The following CNGB1 variants were observed in gnomAD, a reference collection of about 807,000 sequenced individuals.
CNGB1 encodes the protein cyclic nucleotide gated channel subunit beta 1, also known as cyclic nucleotide-gated channel beta-1.
In CNGB1, 126 loss-of-function variants were observed where a neutral mutation model predicts 151.7. The ratio of observed to expected loss-of-function variants is 0.83; its 90% CI spans 0.72 to 0.96. The LOEUF (loss-of-function observed/expected upper bound fraction) is 0.96. Among genes scored for constraint, CNGB1 ranks in the 40% least tolerant of loss-of-function variants. The pLI, the probability that CNGB1 is intolerant of heterozygous loss-of-function variation, is 0.00. For missense variants in CNGB1, 1,698 were observed against 1,627.0 expected (o/e 1.04, Z -0.75); for synonymous variants, 623 against 635.1 (o/e 0.98, Z 0.29).
At chr16:57,887,441 T>A (rs1055730169) in intron 32 of CNGB1, among the ~76,000 whole-genome samples, 4 of 152,196 alleles carry the variant, frequency 2.6e-5, no homozygotes, top group African/African-American at 9.6e-5. Context: ...CCAATGACAG[T>A]GAGTCCTGGA....
At chr16:57,940,466 A>G (rs527502606) in intron 14 of CNGB1, 145 bp from the exon 15 acceptor site, 18 of 715,884 alleles carry the variant, frequency 2.5e-5, no homozygotes, top group South Asian at 2.5e-4. Context: ...AGGAGCCTCC[A>G]GGGCAGTGTC....
intron 17 of CNGB1, among the ~76,000 whole-genome samples, chr16:57,925,282 C>A (rs1381798280): frequency 6.6e-6 from 1 of 152,128 alleles, no homozygotes; most frequent in Admixed American, 6.5e-5. Flanking sequence ...GGATAACAGG[C>A]ATGAGCCACC....
At chr16:57,949,743 G>A (rs3848261) in intron 13 of CNGB1, among the ~76,000 whole-genome samples, 1 of 152,090 alleles carries the variant, frequency 6.6e-6, no homozygotes, top group Non-Finnish European at 1.5e-5. Flanking sequence ...TTCAGAACCC[G>A]AGACCTCCCA....
At chr16:57,941,285 A>T (rs1401354203) in intron 14 of CNGB1, among the ~76,000 whole-genome samples, 3 of 151,742 alleles carry the variant, frequency 2.0e-5, no homozygotes, top group African/African-American at 7.3e-5. Context: ...CACCCCTCAG[A>T]CTCCTGTCAT....
rs1962147605 is a variant in CNGB1, at chr16:57,958,453, A to G, written c.794T>C (p.Met265Thr). 6.2e-7 allele frequency: 1 copy of G among 1,614,138 alleles called. No homozygotes were observed. Among genetic ancestry groups the G allele is most frequent in the South Asian group, 1.1e-5 (1 of 91,088 alleles). The change falls in exon 11 of 33, where the codon ATG becomes ACG. Residue 265 changes from methionine (M) to threonine (T), a missense_variant. Physicochemically the swap from Met to Thr is moderately conservative, Grantham distance 81 (BLOSUM62 -1). Coordinates refer to ENST00000251102, the MANE Select transcript of CNGB1 (RefSeq NM_001297.5). The stretch of plus-strand genomic sequence containing the variant: ...ATGTAGCACTGGCTGCGGCAAGGCC[A>G]TCTCCAGCCTGTGCAGGACCCATGC... Reference protein sequence around the residue: ...LVAWVLHRLEMALPQPVLHGK... With the variant: ...LVAWVLHRLETALPQPVLHGK...
chr16:57,933,947 T>A (rs1961433027), intron 16 of CNGB1, among the ~76,000 whole-genome samples: 1 of 152,114 alleles, frequency 6.6e-6, no homozygotes, highest in Non-Finnish European at 1.5e-5. Flanking sequence ...GGTCTTGAAC[T>A]CCTGATCTCA....
chr16:57,919,405 C>A (rs1397319483), intron 19 of CNGB1, 151 bp from the exon 20 acceptor site: 2 of 1,459,658 alleles, frequency 1.4e-6, no homozygotes, highest in Non-Finnish European at 1.9e-6. Flanking sequence ...GTGCAGAACC[C>A]AAGGTGCTCT....
Position 57,920,218 on chromosome 16 carries a change from C to T in CNGB1, c.1801+169G>A, listed in dbSNP as rs146884151. ...ACTTTGATCTTCCCACCCTTGGGTA[C>T]ATATCTCAACCTGTACATATGGATC... On this transcript the variant is annotated intron_variant, in intron 19 of 32. Transcript: ENST00000251102. 6.2e-3 allele frequency among the ~76,000 whole-genome samples: 946 copies of T among 152,288 alleles called. 15 individuals carry two copies. The highest frequency in any genetic ancestry group is 0.021 in the African/African-American group (859 of 41,544).
At chr16:57,925,154 C>A (rs1961149867) in intron 17 of CNGB1, among the ~76,000 whole-genome samples, 1 of 152,008 alleles carries the variant, frequency 6.6e-6, no homozygotes, top group African/African-American at 2.4e-5. Context: ...AGGTGTACAC[C>A]ACCACACCAG....
At chr16:57,905,843 A>G (rs1374839933) in intron 25 of CNGB1, among the ~76,000 whole-genome samples, 2 of 152,240 alleles carry the variant, frequency 1.3e-5, no homozygotes, top group Non-Finnish European at 2.9e-5. Flanking sequence ...AGATGCCAGC[A>G]CCTTGATCTT....
rs530492994 is a variant in CNGB1 at position 57,917,456 on chromosome 16, G to A, written c.1978C>T (p.Leu660=). Residue 660 remains leucine (L), a synonymous_variant, in exon 21 of 33, where the codon CTG becomes TTG. Transcript: ENST00000251102. ...PLTNLMYVLW[L]FFVVMAWNWN... ...TTCCAGGCCATCACCACGAAGAACAGCCATAGGACATACATCAGGTCTGTG... is the reference window on the plus strand; with the variant it reads ...TTCCAGGCCATCACCACGAAGAACAACCATAGGACATACATCAGGTCTGTG... The A allele has an allele frequency of 1.2e-6, 2 of 1,614,140 alleles. No homozygotes were observed. The highest frequency in any genetic ancestry group is 2.2e-5 in the South Asian group (2 of 91,084).
intron 17 of CNGB1, 118 bp downstream of exon 17, chr16:57,931,598 C>A (rs1338821899): frequency 5.0e-6 from 6 of 1,196,372 alleles, no homozygotes; most frequent in Non-Finnish European, 7.3e-6. Flanking sequence ...ACTTCTGACA[C>A]CAACTCGCTG....
chr16:57,963,089 C>G lies in CNGB1; in HGVS notation c.291-25G>C, dbSNP rs760253074. 3 of 1,568,132 alleles carry G rather than the reference C, an allele frequency of 1.9e-6. No individual in the cohort carries two copies. The African/African-American group carries it at 4.0e-5, about 21-fold the overall frequency. Reference sequence around the variant, plus strand: ...ACTGCGATGGACAGAGACACCAGCCCGCCCTCAACTTCCCCTAGCTCAATG... The same window carrying G: ...ACTGCGATGGACAGAGACACCAGCCGGCCCTCAACTTCCCCTAGCTCAATG... On this transcript the variant is annotated intron_variant, in intron 4 of 32. Coordinates refer to ENST00000251102, the MANE Select transcript of CNGB1 (RefSeq NM_001297.5).
rs1961621333 is a variant in CNGB1, at chr16:57,939,985, C to T, written c.1209+249G>A. Among the ~76,000 whole-genome samples the T allele has an allele frequency of 2.0e-5, 3 of 152,154 alleles. No individual in the cohort carries two copies. The South Asian group carries it at 6.2e-4, about 32-fold the overall frequency. ...GCCACTGGGACCCAGAGTGGGGAGG[C>T]GACTTGCCCCAAGCCAGGCACCCAC... On this transcript the variant is annotated intron_variant, in intron 15 of 32. Transcript: ENST00000251102.
Position 57,950,440 on chromosome 16 carries a change from C to T in CNGB1, c.975G>A (p.Gln325=). 6.2e-7 allele frequency: 1 copy of T among 1,614,254 alleles called. No homozygotes were observed. The highest frequency in any genetic ancestry group is 8.5e-7 in the Non-Finnish European group (1 of 1,180,046). ...DAHQDVSTSP[Q]GTEVVPAYEE... The stretch of plus-strand genomic sequence containing the variant: ...CATAAGCTGGAACCACCTCTGTACC[C>T]TGTGGGCTGGTACTGACATCCTGGT... Residue 325 remains glutamine, a synonymous_variant, in exon 13 of 33, where the codon CAG becomes CAA. Transcript: ENST00000251102.
At position 57,897,557 on chromosome 16, in the gene CNGB1, G is replaced by A. The variant is rs531122937; in HGVS notation, c.3096-14C>T. 34 of 1,613,836 alleles carry A rather than the reference G, an allele frequency of 2.1e-5. No individual in the cohort carries two copies. The African/African-American group carries it at 2.9e-4, about 14-fold the overall frequency. ...ACAGCCAGCAAGCTGGGGCAGAGAA[G>A]GGAGGAAGGAGGCCCTTCAGAGACT... On this transcript the variant is annotated splice_polypyrimidine_tract_variant and intron_variant, in intron 30 of 32. Coordinates refer to ENST00000251102, the MANE Select transcript of CNGB1 (RefSeq NM_001297.5).
At chr16:57,933,071 G>T (rs1596991290) in intron 16 of CNGB1, among the ~76,000 whole-genome samples, 1 of 152,038 alleles carries the variant, frequency 6.6e-6, no homozygotes. Flanking sequence ...TGGGACCACA[G>T]ACGCACACCA....
intron 25 of CNGB1, among the ~76,000 whole-genome samples, chr16:57,907,184 C>A (rs949619112): frequency 1.3e-5 from 2 of 152,160 alleles, no homozygotes; most frequent in African/African-American, 4.8e-5. Context: ...AGAAGGAGGT[C>A]CCAGATAGCT....
chr16:57,910,963 G>C (rs1358182533), intron 25 of CNGB1, among the ~76,000 whole-genome samples: 1 of 152,030 alleles, frequency 6.6e-6, no homozygotes, highest in African/African-American at 2.4e-5. Flanking sequence ...ATTCTTTTTG[G>C]TTCGCACGTC....
Sources: allele counts gnomAD v4.1 joint callset (sites outside exome capture counted in the v4.1 genomes callset), GRCh38; gene constraint gnomAD v4.1.1; transcripts MANE v1.5; gene names NCBI Gene and HGNC (gene_info 2026-07-23, HGNC 2026-07-21).